The following KIF1B variants were observed in gnomAD, a reference collection of about 807,000 sequenced individuals.
KIF1B encodes kinesin family member 1B.
In KIF1B, 76 loss-of-function variants were observed where a neutral mutation model predicts 241.9. That is an observed-to-expected ratio of 0.31 (90% CI 0.26 to 0.38). The LOEUF (loss-of-function observed/expected upper bound fraction) is 0.38, where lower values mean the gene tolerates loss of function less well. Among genes scored for constraint, KIF1B ranks in the 10% least tolerant of loss-of-function variants. KIF1B has a pLI of 1.00. For missense variants in KIF1B, 1,622 were observed against 2,271.4 expected, an observed-to-expected ratio of 0.71 and a Z score of 5.81; for synonymous variants, 750 against 796.7, an observed-to-expected ratio of 0.94 and a Z score of 0.99.
intron 37 of KIF1B, among the ~76,000 whole-genome samples, chr1:10,350,913 A>G (rs963690288): frequency 1.2e-4 from 19 of 152,008 alleles, no homozygotes; most frequent in African/African-American, 4.4e-4. Flanking sequence ...CCTAGACAAC[A>G]TGGCAAAACC....
chr1:10,294,230 A>T (rs917080545), intron 17 of KIF1B, among the ~76,000 whole-genome samples: 1 of 152,202 alleles, frequency 6.6e-6, no homozygotes, highest in African/African-American at 2.4e-5. Flanking sequence ...TTTTAAAAAG[A>T]TTTTAGAAAT....
chr1:10,343,672 C>T (rs552266510), intron 34 of KIF1B, among the ~76,000 whole-genome samples: 2 of 152,254 alleles, frequency 1.3e-5, no homozygotes, highest in African/African-American at 4.8e-5. Flanking sequence ...GTAGGAGAAT[C>T]GCTTGAACCG....
intron 29 of KIF1B, 108 bp downstream of exon 29, chr1:10,336,850 C>T: frequency 8.8e-7 from 1 of 1,136,368 alleles, no homozygotes; most frequent in Non-Finnish European, 1.3e-6. Flanking sequence ...CTGGTTGCCA[C>T]AGAGTAGTTC....
chr1:10,342,013 T>G (rs61778378), intron 32 of KIF1B, 37 bp from the exon 33 acceptor site: 2 of 1,390,286 alleles, frequency 1.4e-6, no homozygotes, highest in Non-Finnish European at 2.0e-6. Context: ...AAATGTGTAT[T>G]TTCTTGTAAT....
chr1:10,283,746 G>C (rs1649550812), intron 15 of KIF1B, among the ~76,000 whole-genome samples: 1 of 152,212 alleles, frequency 6.6e-6, no homozygotes, highest in African/African-American at 2.4e-5. Flanking sequence ...TAGGGTAGGG[G>C]ACACAGGGAG....
intron 37 of KIF1B, among the ~76,000 whole-genome samples, chr1:10,349,058 G>T (rs183430154): frequency 3.3e-5 from 5 of 152,252 alleles, no homozygotes; most frequent in African/African-American, 1.2e-4. Context: ...CTGTTTCTTC[G>T]CTCTGTCATT....
Position 10,302,524 on chromosome 1 carries a change from G to A in KIF1B, c.2115+5278G>A, listed in dbSNP as rs372066002. Among the ~76,000 whole-genome samples, 10 of 152,266 alleles carry A rather than the reference G, an allele frequency of 6.6e-5. No homozygotes were observed. The East Asian group carries it at 1.9e-3, about 29-fold the overall frequency. ...TTTTTAACATCATCCCTGTTTGACTGCTTCTTTTTCTACATTCTCATCTTC... is the reference window on the plus strand; with the variant it reads ...TTTTTAACATCATCCCTGTTTGACTACTTCTTTTTCTACATTCTCATCTTC... On this transcript the variant is annotated intron_variant, in intron 22 of 48. Transcript: ENST00000676179.
At chr1:10,344,625 CT>C (rs1258748471) in intron 34 of KIF1B, 6 of 152,280 alleles carry the variant, frequency 3.9e-5, no homozygotes, top group African/African-American at 1.4e-4. Context: ...CCTTAGATGA[CT>C]GCCAGGATCA....
At chr1:10,328,808 A>G (rs910412340) in intron 27 of KIF1B, among the ~76,000 whole-genome samples, 28 of 152,382 alleles carry the variant, frequency 1.8e-4, no homozygotes, top group African/African-American at 6.0e-4. Flanking sequence ...CACTATGACA[A>G]GCAACTTAAA....
In KIF1B at chr1:10,365,280, T is replaced by C. The variant is rs1450755701; in HGVS notation, c.4512+35T>C. 2.5e-6 allele frequency: 4 copies of C among 1,613,508 alleles called. No homozygotes were observed. The highest frequency in any genetic ancestry group is 2.5e-6 in the Non-Finnish European group (3 of 1,179,766). On this transcript the variant is annotated intron_variant, in intron 42 of 48. Coordinates refer to ENST00000676179, the MANE Select transcript of KIF1B (RefSeq NM_001365951.3). The surrounding 1 kb of genome is among the most constrained non-coding windows in gnomAD (Gnocchi z 4.0). ...GGCAGGGTTGTTCAGATGCAAGAAC[T>C]CTCGGACAAGATTGCCAAAGTATCA...
chr1:10,354,063 A>G (rs1486152221), intron 38 of KIF1B, among the ~76,000 whole-genome samples: 3 of 152,190 alleles, frequency 2.0e-5, no homozygotes, highest in Non-Finnish European at 4.4e-5. Flanking sequence ...TTTTGCCTCC[A>G]TTAGAGTAAC....
At chr1:10,222,465 G>A (rs1411489932) in intron 1 of KIF1B, among the ~76,000 whole-genome samples, 1 of 152,176 alleles carries the variant, frequency 6.6e-6, no homozygotes, top group Non-Finnish European at 1.5e-5. Flanking sequence ...GCAATGGCAT[G>A]AACTGATCAT....
At chr1:10,340,711 G>C (rs532308130) in intron 32 of KIF1B, among the ~76,000 whole-genome samples, 2 of 152,136 alleles carry the variant, frequency 1.3e-5, no homozygotes, top group African/African-American at 2.4e-5. Context: ...AGGATGGGGG[G>C]GTTGCAGTGA....
chr1:10,273,324 C>T (rs192040590), intron 10 of KIF1B, among the ~76,000 whole-genome samples: 234 of 152,190 alleles, frequency 1.5e-3, no homozygotes, highest in African/African-American at 5.3e-3. Context: ...GAGGCCAAGG[C>T]GGGCGGATCA....
intron 31 of KIF1B, among the ~76,000 whole-genome samples, chr1:10,338,293 C>T (rs1652258409): frequency 6.6e-6 from 1 of 152,028 alleles, no homozygotes; most frequent in African/African-American, 2.4e-5. Flanking sequence ...CTTGGCCGTC[C>T]CATGGGTCCT....
At chr1:10,282,565 T>G (rs1336183818) in intron 15 of KIF1B, 32 bp downstream of exon 15, 1 of 1,554,030 alleles carries the variant, frequency 6.4e-7, no homozygotes, top group Non-Finnish European at 8.9e-7. Flanking sequence ...ATACAAGGTA[T>G]TCTATGTAGC....
rs1286172846 is a variant in KIF1B at position 10,276,406 on chromosome 1, T to C, written c.1037+7T>C. On this transcript the variant is annotated splice_region_variant and intron_variant, in intron 12 of 48. Coordinates refer to ENST00000676179, the MANE Select transcript of KIF1B (RefSeq NM_001365951.3). ...AGACTTTGAGCACTCTGAGGTACTT[T>C]CTTTTGATCTCAGTAACAACATAGA... 6.2e-7 allele frequency: 1 copy of C among 1,607,228 alleles called. No homozygotes were observed. The highest frequency in any genetic ancestry group is 8.5e-7 in the Non-Finnish European group (1 of 1,174,236).
At chr1:10,266,745 A>G (rs1216018498) in intron 5 of KIF1B, among the ~76,000 whole-genome samples, 2 of 152,230 alleles carry the variant, frequency 1.3e-5, no homozygotes, top group Non-Finnish European at 2.9e-5. Flanking sequence ...AAAAACATTG[A>G]TAACTGATAA....
At chr1:10,274,158 G>A (rs982757282) in intron 10 of KIF1B, among the ~76,000 whole-genome samples, 5 of 151,220 alleles carry the variant, frequency 3.3e-5, no homozygotes, top group Non-Finnish European at 5.9e-5. Context: ...GGCTGGTCTC[G>A]AACTCCTGAC....
Sources: allele counts gnomAD v4.1 joint callset (sites outside exome capture counted in the v4.1 genomes callset), GRCh38; gene constraint gnomAD v4.1.1; non-coding constraint Gnocchi (gnomAD v3.1); transcripts MANE v1.5; gene names NCBI Gene and HGNC (gene_info 2026-07-23, HGNC 2026-07-21).